The following TSPEAR variants were observed in gnomAD, a reference collection of about 807,000 sequenced individuals.
The protein encoded by TSPEAR is thrombospondin-type laminin G domain and EAR repeat-containing protein.
In TSPEAR, 69 loss-of-function variants were observed where a neutral mutation model predicts 71.6. That is an observed-to-expected ratio of 0.96 (90% CI 0.79 to 1.18). TSPEAR has a LOEUF of 1.18. Ranked by LOEUF, TSPEAR falls within the 50% of genes most tolerant of loss-of-function variation. The pLI is 0.00. For missense variants in TSPEAR, 971 were observed against 894.9 expected (o/e 1.09, Z -1.09); for synonymous variants, 402 against 387.2 (o/e 1.04, Z -0.45).
intron 1 of TSPEAR, chr21:44,574,937 C>T: frequency 6.2e-7 from 1 of 1,605,440 alleles, no homozygotes; most frequent in South Asian, 1.1e-5. Flanking sequence ...GCTGCTGCCG[C>T]CCAGCCTCCT....
At chr21:44,532,002 C>T (rs1018479504) in intron 3 of TSPEAR, among the ~76,000 whole-genome samples, 2 of 152,208 alleles carry the variant, frequency 1.3e-5, no homozygotes, top group South Asian at 2.1e-4. Flanking sequence ...TGCAGCTGGC[C>T]GTGGTGAGCT....
At chr21:44,561,724 G>A (rs1304638748) in intron 2 of TSPEAR, among the ~76,000 whole-genome samples, 4 of 152,004 alleles carry the variant, frequency 2.6e-5, no homozygotes, top group African/African-American at 2.4e-5. Context: ...AACCAATGAC[G>A]AAAACCACAT....
chr21:44,563,979 T>C (rs1350832437), intron 2 of TSPEAR, among the ~76,000 whole-genome samples: 1 of 152,180 alleles, frequency 6.6e-6, no homozygotes, highest in Non-Finnish European at 1.5e-5. Flanking sequence ...TTCACCACCA[T>C]GCCTGAGGGC....
At chr21:44,500,063 CGA>C in intron 11 of TSPEAR, 127 bp from the exon 12 acceptor site, 1 of 973,958 alleles carries the variant, frequency 1.0e-6, no homozygotes. Flanking sequence ...TCCATCCCCC[CGA>C]CTGGCACAGC....
intron 1 of TSPEAR, chr21:44,681,947 G>A (rs547393657): frequency 6.2e-7 from 1 of 1,613,954 alleles, no homozygotes. Context: ...CGGGCCTGCA[G>A]CTCACGGGCA....
chr21:44,570,118 G>T (rs1349577789), intron 1 of TSPEAR, among the ~76,000 whole-genome samples: 1 of 152,146 alleles, frequency 6.6e-6, no homozygotes, highest in Non-Finnish European at 1.5e-5. Context: ...ATGAGGAAAC[G>T]TGGGGGCCAC....
intron 1 of TSPEAR, among the ~76,000 whole-genome samples, chr21:44,679,325 C>G (rs1416345586): frequency 6.6e-6 from 1 of 152,010 alleles, no homozygotes; most frequent in Non-Finnish European, 1.5e-5. Flanking sequence ...AAATACCTGG[C>G]AATAAATATA....
intron 11 of TSPEAR, among the ~76,000 whole-genome samples, 161 bp downstream of exon 11, chr21:44,504,619 C>T (rs1210973352): frequency 5.8e-5 from 3 of 51,858 alleles, no homozygotes; most frequent in Admixed American, 1.5e-4. Context: ...TGGAGGAGGC[C>T]GGCCTCGGTG....
At chr21:44,706,480 T>C (rs28714550) in intron 1 of TSPEAR, among the ~76,000 whole-genome samples, 2 of 72,488 alleles carry the variant, frequency 2.8e-5, no homozygotes, top group Admixed American at 1.1e-4. Flanking sequence ...CACCCACGCG[T>C]ACACACCCAC....
chr21:44,697,643 C>G (rs1987432387), intron 1 of TSPEAR: 2 of 1,613,580 alleles, frequency 1.2e-6, no homozygotes, highest in African/African-American at 2.7e-5. Context: ...CTCCCCGTGT[C>G]AACAGTCCTG....
chr21:44,518,384 A>C (rs1258278336), intron 9 of TSPEAR: 11 of 431,840 alleles, frequency 2.5e-5, no homozygotes, highest in Non-Finnish European at 5.2e-5. Context: ...AGTGTCGTGA[A>C]GAAGACACTG....
chr21:44,522,163 A>T (rs940044694), intron 8 of TSPEAR, 51 bp from the exon 9 acceptor site: 1 of 1,562,236 alleles, frequency 6.4e-7, no homozygotes, highest in Non-Finnish European at 8.8e-7. Flanking sequence ...CCACAGCCCC[A>T]TGGCAGCCCC....
intron 2 of TSPEAR, among the ~76,000 whole-genome samples, chr21:44,565,644 A>C (rs971224010): frequency 3.3e-5 from 5 of 152,236 alleles, no homozygotes; most frequent in Admixed American, 3.3e-4. Flanking sequence ...GATGCAGAAA[A>C]AGCAGTTGAT....
At chr21:44,617,997 A>T (rs1982215947) in intron 1 of TSPEAR, among the ~76,000 whole-genome samples, 1 of 152,226 alleles carries the variant, frequency 6.6e-6, no homozygotes, top group African/African-American at 2.4e-5. Context: ...GCTAAGACCG[A>T]TGACAGAGGA....
At chr21:44,678,902 T>C (rs1328031720) in intron 1 of TSPEAR, among the ~76,000 whole-genome samples, 1 of 152,242 alleles carries the variant, frequency 6.6e-6, no homozygotes, top group Admixed American at 6.5e-5. Flanking sequence ...TGGATGCTAA[T>C]CTGCCATATG....
At chr21:44,615,547 AG>A (rs1375901592) in intron 1 of TSPEAR, among the ~76,000 whole-genome samples, 1 of 64,468 alleles carries the variant, frequency 1.6e-5, no homozygotes, top group African/African-American at 6.0e-5. Context: ...CCATAACCAA[AG>A]GTTTTTTTTT....
intron 1 of TSPEAR, among the ~76,000 whole-genome samples, chr21:44,586,019 T>G (rs781960531): frequency 2.0e-5 from 3 of 152,348 alleles, no homozygotes; most frequent in South Asian, 4.1e-4. Flanking sequence ...CTTTGGTTCA[T>G]TTTGGCATCC....
chr21:44,602,277 T>G, intron 1 of TSPEAR: 1 of 164,226 alleles, frequency 6.1e-6, no homozygotes, highest in Non-Finnish European at 1.3e-5. Context: ...GTCCCTGTCC[T>G]TCCCAGGCGT....
chr21:44,500,293 A>C (rs2052006084), intron 11 of TSPEAR, among the ~76,000 whole-genome samples: 1 of 152,160 alleles, frequency 6.6e-6, no homozygotes, highest in Non-Finnish European at 1.5e-5. Context: ...AAACACACGC[A>C]GGCCACCACG....
Sources: gnomAD v4.1 joint callset for allele counts (sites outside exome capture counted in the v4.1 genomes callset) on GRCh38, gnomAD v4.1.1 for gene constraint, MANE v1.5 for transcripts, NCBI Gene and HGNC (gene_info 2026-07-23, HGNC 2026-07-21) for gene names.